The following HPCAL1 variants were observed in gnomAD, a reference collection of about 807,000 sequenced individuals.
HPCAL1 encodes the protein hippocalcin like 1.
A neutral mutation model predicts 17.1 loss-of-function variants in HPCAL1; 8 were observed. The observed-to-expected ratio is 0.47, with a 90% CI of 0.27 to 0.84. The LOEUF (loss-of-function observed/expected upper bound fraction) is 0.84. Among genes scored for constraint, HPCAL1 ranks in the 40% least tolerant of loss-of-function variants. HPCAL1 has a pLI of 0.13. For synonymous variants in HPCAL1, 112 were observed against 111.4 expected, an observed-to-expected ratio of 1.01 and a Z score of -0.03; for missense variants, 165 against 271.1, an observed-to-expected ratio of 0.61 and a Z score of 2.75.
At position 10,422,930 on chromosome 2, in the gene HPCAL1, A is replaced by C. The variant is rs535829440; in HGVS notation, c.379-53A>C. 5.2e-6 allele frequency: 7 copies of C among 1,346,916 alleles called. No homozygotes were observed. In the Admixed American group the frequency reaches 1.2e-4, roughly 24 times the overall value. 83.4% of individuals were successfully genotyped at this position (1,346,916 alleles called of 1,614,324 possible). ...CTGGGCGGAAGCCCACCCTTGCTGC[A>C]CCCGCCCAAGCCCCCGGGCCTCTGA... On this transcript the variant is annotated intron_variant, in intron 3 of 4. Coordinates refer to ENST00000307845, the MANE Select transcript of HPCAL1 (RefSeq NM_002149.4).
intron 1 of HPCAL1, among the ~76,000 whole-genome samples, chr2:10,381,900 A>C (rs902817683): frequency 6.6e-6 from 1 of 152,214 alleles, no homozygotes; most frequent in African/African-American, 2.4e-5. Flanking sequence ...CCTGTGATCC[A>C]ACAATCATGC....
At chr2:10,360,276 G>A (rs572318787) in intron 1 of HPCAL1, among the ~76,000 whole-genome samples, 6 of 152,328 alleles carry the variant, frequency 3.9e-5, no homozygotes, top group South Asian at 2.1e-4. Context: ...AGGGTGAGCC[G>A]AAGGGCCTTG....
At chr2:10,324,457 T>G (rs966602034) in intron 1 of HPCAL1, 7 of 152,252 alleles carry the variant, frequency 4.6e-5, no homozygotes, top group Non-Finnish European at 8.8e-5. Context: ...AGACAGTCCC[T>G]TCCCCTTTTG....
chr2:10,347,840 A>G (rs1665568480), intron 1 of HPCAL1, among the ~76,000 whole-genome samples: 1 of 152,102 alleles, frequency 6.6e-6, no homozygotes. Context: ...AATTCAGACA[A>G]GGTTGGGTTT....
At chr2:10,396,076 AG>A (rs898531871) in intron 1 of HPCAL1, among the ~76,000 whole-genome samples, 9 of 152,178 alleles carry the variant, frequency 5.9e-5, no homozygotes, top group African/African-American at 1.9e-4. Context: ...CAGAGCTGGC[AG>A]TGAGGGTTGA....
At chr2:10,341,391 C>T (rs969186385) in intron 1 of HPCAL1, among the ~76,000 whole-genome samples, 22 of 152,102 alleles carry the variant, frequency 1.4e-4, no homozygotes. Context: ...GTCGAGGCTG[C>T]AGTGAGTCAT....
intron 1 of HPCAL1, among the ~76,000 whole-genome samples, chr2:10,378,925 T>C (rs924776736): frequency 6.6e-6 from 1 of 152,240 alleles, no homozygotes; most frequent in African/African-American, 2.4e-5. Flanking sequence ...AGTATTCATT[T>C]ACAGCGAGGC....
intron 1 of HPCAL1, among the ~76,000 whole-genome samples, chr2:10,326,577 G>A (rs1664032337): frequency 6.6e-6 from 1 of 152,218 alleles, no homozygotes; most frequent in Admixed American, 6.5e-5. Flanking sequence ...GTGAAGGTAG[G>A]TGAGGCTGCC....
intron 1 of HPCAL1, among the ~76,000 whole-genome samples, chr2:10,375,445 G>T (rs534217787): frequency 1.3e-5 from 2 of 152,204 alleles, no homozygotes; most frequent in Non-Finnish European, 2.9e-5. Flanking sequence ...CATCAGAGCC[G>T]TGGGGGAGGG....
intron 1 of HPCAL1, among the ~76,000 whole-genome samples, chr2:10,347,275 T>C (rs1665531782): frequency 6.6e-6 from 1 of 152,000 alleles, no homozygotes; most frequent in Non-Finnish European, 1.5e-5. Context: ...CCCACCCTTT[T>C]CTGAGCCTGT....
At chr2:10,411,227 G>A (rs3771125) in intron 2 of HPCAL1, among the ~76,000 whole-genome samples, 77,205 of 151,980 alleles carry the variant, frequency 0.51, 19,923 homozygotes, top group South Asian at 0.66. Flanking sequence ...TGGCCTCCAC[G>A]GCTGCTTATG....
Position 10,342,031 on chromosome 2 carries a change from G to T in HPCAL1, c.-111+38854G>T, listed in dbSNP as rs1665123108. ...TTTTTTTTTAAATTAGCCAGATGTG[G>T]TGGTGGTGTGCTCCTGTAGTCCCAG... On this transcript the variant is annotated intron_variant, in intron 1 of 4. Coordinates refer to ENST00000307845, the MANE Select transcript of HPCAL1 (RefSeq NM_002149.4). The surrounding 1 kb of genome is among the most constrained non-coding windows in gnomAD (Gnocchi z 4.1). Among the ~76,000 whole-genome samples, 1 of 151,380 alleles carries T rather than the reference G, an allele frequency of 6.6e-6. No individual in the cohort carries two copies. The highest frequency in any genetic ancestry group is 1.5e-5 in the Non-Finnish European group (1 of 67,876).
chr2:10,402,988 C>T (rs1669722653), intron 2 of HPCAL1, among the ~76,000 whole-genome samples: 1 of 152,222 alleles, frequency 6.6e-6, no homozygotes, highest in African/African-American at 2.4e-5. Context: ...TGTGGCCAAA[C>T]CCCATTCATT....
At position 10,331,608 on chromosome 2, in the gene HPCAL1, G is replaced by A. The variant is rs1218904415; in HGVS notation, c.-111+28431G>A. Reference sequence around the variant, plus strand: ...GAAGTCAGTGTGTGCTTTGGGCCCAGCTGCACTGTGCCCGGGGTCCAGGGA... The same window carrying A: ...GAAGTCAGTGTGTGCTTTGGGCCCAACTGCACTGTGCCCGGGGTCCAGGGA... On this transcript the variant is annotated intron_variant, in intron 1 of 4. Transcript: ENST00000307845. This position sits in a 1 kb window ranked among gnomAD's most constrained non-coding sequence, Gnocchi z 5.0. Among the ~76,000 whole-genome samples the A allele has an allele frequency of 6.6e-6, 1 of 152,200 alleles. No individual in the cohort carries two copies. The highest frequency in any genetic ancestry group is 6.5e-5 in the Admixed American group (1 of 15,276).
At chr2:10,393,827 C>T (rs1668846336) in intron 1 of HPCAL1, among the ~76,000 whole-genome samples, 1 of 151,988 alleles carries the variant, frequency 6.6e-6, no homozygotes, top group Non-Finnish European at 1.5e-5. Context: ...TAAAAATCCC[C>T]TTTAGGCCCG....
chr2:10,314,882 GAT>G, intron 1 of HPCAL1, among the ~76,000 whole-genome samples: 1 of 152,306 alleles, frequency 6.6e-6, no homozygotes, highest in African/African-American at 2.4e-5. Context: ...GCGGTAATAA[GAT>G]AGTAGATATT....
Position 10,405,212 on chromosome 2 carries a change from C to A in HPCAL1, c.-25+8292C>A, listed in dbSNP as rs996593900. Among the ~76,000 whole-genome samples, 58 of 152,222 alleles carry A rather than the reference C, an allele frequency of 3.8e-4. 2 individuals carry two copies. The stretch of plus-strand genomic sequence containing the variant: ...GCTGGGCAGAGCCCCCAGCAGGGCC[C>A]CTGGGTCTGCGGGCTGCTCCCAGCA... On this transcript the variant is annotated intron_variant, in intron 2 of 4. Coordinates refer to ENST00000307845, the MANE Select transcript of HPCAL1 (RefSeq NM_002149.4).
chr2:10,414,782 C>T (rs1572854837), intron 2 of HPCAL1, among the ~76,000 whole-genome samples: 1 of 152,104 alleles, frequency 6.6e-6, no homozygotes, highest in Non-Finnish European at 1.5e-5. Context: ...CCAGGAGGAA[C>T]GTCATCACCT....
At position 10,358,950 on chromosome 2, in the gene HPCAL1, G is replaced by A. The variant is rs1666356178; in HGVS notation, c.-110-37885G>A. 2.0e-5 allele frequency among the ~76,000 whole-genome samples: 3 copies of A among 152,022 alleles called. No individual in the cohort carries two copies. In the South Asian group the frequency reaches 6.2e-4, roughly 32 times the overall value. The stretch of plus-strand genomic sequence containing the variant: ...TAAAAGAGCACCCTGAATGCCCACC[G>A]GGGCTTCAGCTGTAAACATTCACTC... On this transcript the variant is annotated intron_variant, in intron 1 of 4. Coordinates refer to ENST00000307845, the MANE Select transcript of HPCAL1 (RefSeq NM_002149.4).
Sources: gnomAD v4.1 joint callset for allele counts (sites outside exome capture counted in the v4.1 genomes callset) on GRCh38, gnomAD v4.1.1 for gene constraint, Gnocchi (gnomAD v3.1) non-coding constraint, MANE v1.5 for transcripts, NCBI Gene and HGNC (gene_info 2026-07-23, HGNC 2026-07-21) for gene names.